The following LOC102723971 variants were observed in gnomAD, a reference collection of about 807,000 sequenced individuals.
the LOC102723971 span, chr9:135,618,170 C>T: frequency 2.5e-6 from 1 of 395,636 alleles, no homozygotes; most frequent in African/African-American, 2.1e-5. Context: ...ACGGCCAGGC[C>T]TGTGCCGGCT....
chr9:135,617,193 G>A, the LOC102723971 span, among the ~76,000 whole-genome samples: 5 of 152,292 alleles, frequency 3.3e-5, no homozygotes, highest in South Asian at 8.3e-4. Flanking sequence ...ACGCAGCTGA[G>A]CTCTTCCTCC....
chr9:135,617,950 GAGA>G, the LOC102723971 span: 48 of 398,714 alleles, frequency 1.2e-4, no homozygotes, highest in Middle Eastern at 6.3e-4. Context: ...TGATTCCAGC[GAGA>G]AGAATGCTGG....
chr9:135,617,485 G>T, the LOC102723971 span, among the ~76,000 whole-genome samples: 1 of 152,308 alleles, frequency 6.6e-6, no homozygotes, highest in South Asian at 2.1e-4. Flanking sequence ...AGATAGATGG[G>T]GCTGGGGGCA....
At chr9:135,614,413 A>C in the LOC102723971 span, 3 of 273,858 alleles carry the variant, frequency 1.1e-5, no homozygotes, top group African/African-American at 2.5e-5. Context: ...TGTCACATTG[A>C]GGAGGTGCAG....
At chr9:135,616,597 G>A in the LOC102723971 span, 1 of 398,792 alleles carries the variant, frequency 2.5e-6, no homozygotes, top group Non-Finnish European at 4.4e-6. Context: ...GGGAGAAGGG[G>A]TGTGTAAAGA....
At chr9:135,618,933 G>A in the LOC102723971 span, 1 of 399,238 alleles carries the variant, frequency 2.5e-6, no homozygotes, top group African/African-American at 2.1e-5. Context: ...TGCTCCACAG[G>A]CCCATGTCCC....
At chr9:135,616,500 G>A in the LOC102723971 span, 1 of 397,680 alleles carries the variant, frequency 2.5e-6, no homozygotes. Context: ...CTGGTGGAGA[G>A]CCCTGAGAGG....
the LOC102723971 span, chr9:135,614,292 C>G: frequency 2.5e-6 from 1 of 398,798 alleles, no homozygotes; most frequent in Non-Finnish European, 4.4e-6. Context: ...CTGGGCCTGG[C>G]GGGTGCCCAG....
At chr9:135,618,301 G>A in the LOC102723971 span, among the ~76,000 whole-genome samples, 1 of 152,280 alleles carries the variant, frequency 6.6e-6, no homozygotes, top group South Asian at 2.1e-4. Flanking sequence ...TGCACAGCCA[G>A]GAGGAGGAGC....
chr9:135,615,309 C>A, the LOC102723971 span: 2 of 397,292 alleles, frequency 5.0e-6, no homozygotes, highest in Non-Finnish European at 4.4e-6. Flanking sequence ...GGAGGGAGTG[C>A]CACACAGCCG....
the LOC102723971 span, chr9:135,616,769 T>A: frequency 2.5e-6 from 1 of 398,100 alleles, no homozygotes; most frequent in Non-Finnish European, 4.4e-6. Context: ...GTTGTCGGCT[T>A]TGGGGGAAGA....
chr9:135,619,787 C>G, the LOC102723971 span, among the ~76,000 whole-genome samples: 1 of 151,938 alleles, frequency 6.6e-6, no homozygotes, highest in Admixed American at 6.6e-5. Context: ...CAATACTTGT[C>G]GTCTGGAACT....
At chr9:135,617,432 G>A in the LOC102723971 span, among the ~76,000 whole-genome samples, 1 of 152,232 alleles carries the variant, frequency 6.6e-6, no homozygotes, top group Admixed American at 6.5e-5. Flanking sequence ...AGGGGACTGA[G>A]TGGGGGACAT....
At chr9:135,617,963 G>A in the LOC102723971 span, 1 of 398,832 alleles carries the variant, frequency 2.5e-6, no homozygotes, top group Non-Finnish European at 4.4e-6. Flanking sequence ...AAGAATGCTG[G>A]AGGACCCCAA....
the LOC102723971 span, among the ~76,000 whole-genome samples, chr9:135,618,328 C>A: frequency 1.3e-5 from 2 of 152,148 alleles, no homozygotes; most frequent in African/African-American, 4.8e-5. Context: ...GGATCCAGAT[C>A]TCCAGCCTCC....
At chr9:135,615,835 A>C in the LOC102723971 span, among the ~76,000 whole-genome samples, 1 of 151,988 alleles carries the variant, frequency 6.6e-6, no homozygotes, top group African/African-American at 2.4e-5. Context: ...CAAGGACCAC[A>C]GCCACCCTGG....
the LOC102723971 span, among the ~76,000 whole-genome samples, chr9:135,615,714 G>A: frequency 8.5e-5 from 13 of 152,112 alleles, no homozygotes; most frequent in Non-Finnish European, 1.8e-4. Context: ...CAGCAGACAC[G>A]CCCACTGGGC....
At chr9:135,615,469 CG>C in the LOC102723971 span, 2 of 398,584 alleles carry the variant, frequency 5.0e-6, no homozygotes, top group South Asian at 1.3e-4. Flanking sequence ...CCAGGGACGG[CG>C]GGGACGTGGA....
chr9:135,617,486 G>A, the LOC102723971 span, among the ~76,000 whole-genome samples: 174 of 152,264 alleles, frequency 1.1e-3, no homozygotes, highest in African/African-American at 3.9e-3. Context: ...GATAGATGGG[G>A]CTGGGGGCAT....
Sources: gnomAD v4.1 joint callset for allele counts (sites outside exome capture counted in the v4.1 genomes callset) on GRCh38, gnomAD v4.1.1 for gene constraint, MANE v1.5 for transcripts.